EPHA8: variants seen among roughly 807,000 people sequenced by gnomAD.
The protein encoded by EPHA8 is ephrin type-A receptor 8.
A neutral mutation model predicts 103.6 loss-of-function variants in EPHA8; 58 were observed. That is an observed-to-expected ratio of 0.56 (90% CI 0.45 to 0.70). The LOEUF (loss-of-function observed/expected upper bound fraction) is 0.70, where lower values mean the gene tolerates loss of function less well. Among genes scored for constraint, EPHA8 ranks in the 30% least tolerant of loss-of-function variants. The pLI is 0.00. For synonymous variants in EPHA8, 559 were observed against 572.5 expected (o/e 0.98, Z 0.34); for missense variants, 1,304 against 1,395.2 (o/e 0.93, Z 1.04).
In EPHA8 at chr1:22,580,435, A is replaced by G. The variant is rs146469008; in HGVS notation, c.823+3555A>G. Among the ~76,000 whole-genome samples the G allele has an allele frequency of 6.5e-3, 984 of 152,082 alleles. 8 individuals are homozygous for G. Among genetic ancestry groups the G allele is most frequent in the East Asian group, 0.025 (130 of 5,150 alleles). ...ATTACAGTCTTGAGCTACCACGTCC[A>G]ACTCGCTCTCTGGTTTTCTTAAGAA... On this transcript the variant is annotated intron_variant, in intron 3 of 16. Transcript: ENST00000166244.
rs1454743828 is a variant in EPHA8, at chr1:22,597,295, C to G, written c.1766-17C>G. ...TCTCTCCTGGGCCCCACTGAAGGCC[C>G]TCCTCCCGCCCCTCAGCACCCCCAC... On this transcript the variant is annotated splice_polypyrimidine_tract_variant and intron_variant, in intron 9 of 16. Coordinates refer to ENST00000166244, the MANE Select transcript of EPHA8 (RefSeq NM_020526.5). The surrounding 1 kb of genome is among the most constrained non-coding windows in gnomAD (Gnocchi z 4.6). The G allele has an allele frequency of 6.3e-7, 1 of 1,587,200 alleles. No individual in the cohort carries two copies. The highest frequency in any genetic ancestry group is 1.7e-5 in the Admixed American group (1 of 58,412).
chr1:22,599,230 C>T (rs1641610838), intron 13 of EPHA8, among the ~76,000 whole-genome samples, 183 bp downstream of exon 13: 1 of 152,226 alleles, frequency 6.6e-6, no homozygotes, highest in South Asian at 2.1e-4. Context: ...ATGGGAACAG[C>T]CTTGCCTGCC....
chr1:22,595,154 T>C, intron 7 of EPHA8, 76 bp from the exon 8 acceptor site: 1 of 1,245,082 alleles, frequency 8.0e-7, no homozygotes, highest in Non-Finnish European at 1.1e-6. Flanking sequence ...CCAGGCAGGC[T>C]CAGAGGTCTG....
At chr1:22,575,329 C>T (rs1173626110) in intron 2 of EPHA8, among the ~76,000 whole-genome samples, 1 of 152,186 alleles carries the variant, frequency 6.6e-6, no homozygotes. Context: ...TTGTATTTCC[C>T]TAATGATTAG....
Position 22,601,465 on chromosome 1 carries a change from G to C in EPHA8, c.2895G>C (p.Met965Ile). The C allele has an allele frequency of 6.2e-7, 1 of 1,609,722 alleles. No individual in the cohort carries two copies. Among genetic ancestry groups the C allele is most frequent in the Non-Finnish European group, 8.5e-7 (1 of 1,179,700 alleles). The change falls in exon 16 of 17, where the codon ATG (methionine) becomes ATC (isoleucine). Residue 965 changes from methionine (M) to isoleucine (I), a missense_variant. Met to Ile is a conservative substitution (Grantham distance 10). Transcript: ENST00000166244. The part of the protein sequence containing the change: ...GYSSLGMVLR[M>I]NAQDVRALGI... The stretch of plus-strand genomic sequence containing the variant: ...CCTCTCTGGGCATGGTGCTACGCAT[G>C]AACGCCCAGTGAGTGATGGGTGGGG...
At chr1:22,577,964 T>C (rs62639709) in intron 3 of EPHA8, among the ~76,000 whole-genome samples, 3 of 119,654 alleles carry the variant, frequency 2.5e-5, no homozygotes, top group African/African-American at 3.7e-5. Flanking sequence ...TGCATGTGTG[T>C]GCATGTGCGT....
At position 22,601,574 on chromosome 1, in the gene EPHA8, C is replaced by T. The variant is rs967079746; in HGVS notation, c.2904-53C>T. 1.8e-5 allele frequency: 28 copies of T among 1,584,364 alleles called. No individual in the cohort carries two copies. In the African/African-American group the frequency reaches 2.6e-4, roughly 15 times the overall value. On this transcript the variant is annotated intron_variant, in intron 16 of 16. Coordinates refer to ENST00000166244, the MANE Select transcript of EPHA8 (RefSeq NM_020526.5). The stretch of plus-strand genomic sequence containing the variant: ...CCAGATCCATGGCCCTGGCTGCGTG[C>T]GCGGCTCCCAGCCTCCCAGGCCCAG...
At chr1:22,574,357 G>A (rs575108176) in intron 2 of EPHA8, among the ~76,000 whole-genome samples, 2 of 152,288 alleles carry the variant, frequency 1.3e-5, no homozygotes, top group African/African-American at 2.4e-5. Flanking sequence ...CTTTTTAAGC[G>A]CACACCTTGG....
chr1:22,564,250 C>T (rs1172706964), intron 1 of EPHA8, among the ~76,000 whole-genome samples: 1 of 150,776 alleles, frequency 6.6e-6, no homozygotes, highest in South Asian at 2.1e-4. Context: ...AACGGGACCC[C>T]GGAGAGCAGG....
intron 2 of EPHA8, among the ~76,000 whole-genome samples, chr1:22,572,253 A>T (rs1055326177): frequency 6.6e-6 from 1 of 152,230 alleles, no homozygotes; most frequent in Non-Finnish European, 1.5e-5. Context: ...GTCCTGATGA[A>T]CGGGGGCTCC....
intron 5 of EPHA8, among the ~76,000 whole-genome samples, chr1:22,592,869 G>A (rs766494840): frequency 5.3e-5 from 8 of 152,144 alleles, no homozygotes; most frequent in Non-Finnish European, 1.0e-4. Context: ...GCAACCAAGT[G>A]TGACTGGGAG....
rs1368228241 is a variant in EPHA8, at chr1:22,600,763, G to A, written c.2491G>A (p.Val831Met). The A allele has an allele frequency of 1.2e-6, 2 of 1,612,638 alleles. No individual in the cohort carries two copies. The highest frequency in any genetic ancestry group is 2.2e-5 in the East Asian group (1 of 44,846). The change falls in exon 14 of 17, where the codon GTG becomes ATG. Residue 831 changes from valine to methionine, a missense_variant. Physicochemically the swap from Val to Met is conservative, Grantham distance 21. Coordinates refer to ENST00000166244, the MANE Select transcript of EPHA8 (RefSeq NM_020526.5). ...GAGCTTCGGCGTGGTCATGTGGGAG[G>A]TGCTGGCCTATGGGGAGCGGCCCTA... is the stretch of plus-strand genomic sequence containing the variant. ...VWSFGVVMWEVLAYGERPYWN... is the reference protein window; with the variant it reads ...VWSFGVVMWEMLAYGERPYWN...
At chr1:22,601,123 G>A in intron 15 of EPHA8, 35 bp downstream of exon 15, 1 of 1,579,234 alleles carries the variant, frequency 6.3e-7, no homozygotes, top group Non-Finnish European at 8.6e-7. Flanking sequence ...TTGAGGCCCA[G>A]CTGCCTCCCA....
intron 3 of EPHA8, among the ~76,000 whole-genome samples, chr1:22,582,478 A>G (rs1641073019): frequency 6.6e-6 from 1 of 152,220 alleles, no homozygotes; most frequent in South Asian, 2.1e-4. Context: ...GGGACCCGCC[A>G]GGTCACATGG....
rs540623072 is a variant in EPHA8 at position 22,600,574 on chromosome 1, C to A, written c.2389-87C>A. ...GTCCCTCTGGACTGGAAAACAGGAC[C>A]CCAGTGTTTAGCTCTCTGACTCAGA... On this transcript the variant is annotated intron_variant, in intron 13 of 16. Transcript: ENST00000166244. 4.6e-6 allele frequency: 7 copies of A among 1,535,468 alleles called. No individual in the cohort carries two copies. The African/African-American group carries it at 6.8e-5, about 15-fold the overall frequency.
chr1:22,601,715 A>C lies in EPHA8; in HGVS notation c.2992A>C (p.Thr998Pro). ...IQTMRAQLTS[T>P]QGPRRHL ...GACCATGCGGGCCCAGCTGACCAGC[A>C]CCCAGGGGCCCCGCCGGCACCTCTG... Residue 998 changes from threonine (T) to proline (P), a missense_variant, in exon 17 of 17, where the codon ACC (threonine) becomes CCC (proline). Thr to Pro is a conservative substitution (Grantham distance 38, BLOSUM62 -1). Coordinates refer to ENST00000166244, the MANE Select transcript of EPHA8 (RefSeq NM_020526.5). 6.4e-7 allele frequency: 1 copy of C among 1,567,884 alleles called. No individual in the cohort carries two copies. The highest frequency in any genetic ancestry group is 8.6e-7 in the Non-Finnish European group (1 of 1,156,316).
chr1:22,593,211 A>T, intron 5 of EPHA8, 115 bp from the exon 6 acceptor site: 5 of 1,440,406 alleles, frequency 3.5e-6, no homozygotes, highest in Non-Finnish European at 4.7e-6. Flanking sequence ...GGGCAGGACC[A>T]TCAGGAAGCT....
At chr1:22,573,795 C>T (rs967059205) in intron 2 of EPHA8, among the ~76,000 whole-genome samples, 1 of 152,132 alleles carries the variant, frequency 6.6e-6, no homozygotes, top group Non-Finnish European at 1.5e-5. Flanking sequence ...CTTCTGCAGA[C>T]CTCCACCCTT....
intron 15 of EPHA8, 58 bp downstream of exon 15, chr1:22,601,146 ATCTG>A: frequency 6.4e-7 from 1 of 1,560,610 alleles, no homozygotes; most frequent in South Asian, 1.2e-5. Context: ...ATTGCCCCAG[ATCTG>A]TCCCTGGGAC....
Sources: gnomAD v4.1 joint callset for allele counts (sites outside exome capture counted in the v4.1 genomes callset) on GRCh38, gnomAD v4.1.1 for gene constraint, Gnocchi (gnomAD v3.1) non-coding constraint, MANE v1.5 for transcripts, NCBI Gene and HGNC (gene_info 2026-07-23, HGNC 2026-07-21) for gene names.